RBM27: variants seen among roughly 807,000 people sequenced by gnomAD.
The protein encoded by RBM27 is RNA binding motif protein 27.
Under a neutral mutation model 135.3 loss-of-function variants are expected in RBM27, and 22 were observed. The ratio of observed to expected loss-of-function variants is 0.16; its 90% CI spans 0.12 to 0.23. RBM27 has a LOEUF of 0.23. RBM27 is among the 10% of genes least tolerant of loss of function. The pLI, the probability that RBM27 is intolerant of heterozygous loss-of-function variation, is 1.00. For missense variants in RBM27, 1,009 were observed against 1,281.0 expected (o/e 0.79, Z 3.24); for synonymous variants, 481 against 442.4 (o/e 1.09, Z -1.10).
At chr5:146,251,971 C>G in intron 9 of RBM27, 96 bp downstream of exon 9, 1 of 1,335,464 alleles carries the variant, frequency 7.5e-7, no homozygotes, top group Non-Finnish European at 1.0e-6. Flanking sequence ...TCTGCTGTTA[C>G]AAAGTCCCAT....
chr5:146,246,027 T>A (rs1757609461), intron 8 of RBM27, among the ~76,000 whole-genome samples: 1 of 152,338 alleles, frequency 6.6e-6, no homozygotes, highest in South Asian at 2.1e-4. Context: ...AAGAAGTACT[T>A]AAGTTTCATT....
chr5:146,237,358 T>C lies in RBM27; in HGVS notation c.1205T>C (p.Val402Ala). The C allele has an allele frequency of 1.2e-6, 2 of 1,614,128 alleles. No homozygotes were observed. The highest frequency in any genetic ancestry group is 1.1e-5 in the South Asian group (1 of 91,080). The change falls in exon 8 of 21, where the codon GTG becomes GCG. Residue 402 changes from valine (V) to alanine (A), a missense_variant. This residue lies in a region of RBM27 where 329 missense variants were observed against 368.1 expected (regional missense o/e 0.89). Transcript: ENST00000265271. ...CGTGACCAGCCTGGGACAAGTGCAG[T>C]GCCCAATCTTGCATCAGTGGGAACA... ...NSRDQPGTSAVPNLASVGTRL... is the reference protein window; with the variant it reads ...NSRDQPGTSAAPNLASVGTRL...
At chr5:146,220,821 GTC>G (rs1406759372) in intron 2 of RBM27, among the ~76,000 whole-genome samples, 1 of 152,110 alleles carries the variant, frequency 6.6e-6, no homozygotes, top group Non-Finnish European at 1.5e-5. Flanking sequence ...TTAAAGATGA[GTC>G]TTGTGAAATG....
At chr5:146,250,815 C>T (rs1368468881) in intron 8 of RBM27, among the ~76,000 whole-genome samples, 10 of 115,746 alleles carry the variant, frequency 8.6e-5, no homozygotes, top group Admixed American at 2.5e-4. Context: ...CTTACTCTGT[C>T]GCCTAGGTTG....
rs151123336 is a variant in RBM27 at position 146,230,053 on chromosome 5, C to T, written c.589+143C>T. 5.0e-4 allele frequency: 482 copies of T among 970,734 alleles called. 1 individual carries two copies. The East Asian group carries it at 0.011, about 22-fold the overall frequency. 60.1% of individuals were successfully genotyped at this position (970,734 alleles called of 1,614,324 possible). ...GAATTGTCTCAAGAAGCTCAATATC[C>T]ATTTTGTTAGAAAACAGGGCTCTAT... is the stretch of plus-strand genomic sequence containing the variant. On this transcript the variant is annotated intron_variant, in intron 5 of 20. Transcript: ENST00000265271.
intron 2 of RBM27, among the ~76,000 whole-genome samples, chr5:146,221,764 T>C (rs1379277851): frequency 1.3e-5 from 2 of 152,214 alleles, no homozygotes; most frequent in Non-Finnish European, 2.9e-5. Flanking sequence ...TTTTAATTAA[T>C]TTAAACTCAA....
At chr5:146,233,775 C>G in intron 7 of RBM27, 32 bp downstream of exon 7, 1 of 1,348,894 alleles carries the variant, frequency 7.4e-7, no homozygotes, top group Non-Finnish European at 9.6e-7. Context: ...TTTTCTCTAG[C>G]GTTCTGTTTA....
chr5:146,284,660 A>T lies in RBM27; in HGVS notation c.3027A>T (p.Leu1009=). 6.2e-7 allele frequency: 1 copy of T among 1,613,644 alleles called. No individual in the cohort carries two copies. Among genetic ancestry groups the T allele is most frequent in the African/African-American group, 1.3e-5 (1 of 75,042 alleles). The part of the protein sequence containing the change: ...NQGPKFKDRR[L]QISWHKPKVP... ...GGCCAAAATTTAAAGACCGTCGGCTACAGATATCATGGCACAAGCCCAAGG... is the reference window on the plus strand; with the variant it reads ...GGCCAAAATTTAAAGACCGTCGGCTTCAGATATCATGGCACAAGCCCAAGG... Residue 1009 remains leucine, a synonymous_variant, in exon 20 of 21, where the codon CTA becomes CTT. Transcript: ENST00000265271.
intron 1 of RBM27, among the ~76,000 whole-genome samples, chr5:146,214,026 TTAATTTTTCC>T: frequency 6.6e-6 from 1 of 152,340 alleles, no homozygotes; most frequent in South Asian, 2.1e-4. Context: ...TTAAGATACA[TTAATTTTTCC>T]TGCAGATGTA....
intron 14 of RBM27, among the ~76,000 whole-genome samples, chr5:146,265,842 TAGA>T (rs1282018276): frequency 5.3e-5 from 8 of 152,162 alleles, no homozygotes; most frequent in African/African-American, 7.2e-5. Flanking sequence ...AAAAGAGAGA[TAGA>T]AGATAGATAA....
At chr5:146,285,085 T>C (rs1029300477) in intron 20 of RBM27, among the ~76,000 whole-genome samples, 8 of 152,150 alleles carry the variant, frequency 5.3e-5, no homozygotes, top group African/African-American at 1.9e-4. Context: ...TCCATAGTAA[T>C]AGATTTGAGT....
intron 3 of RBM27, 93 bp downstream of exon 3, chr5:146,223,620 G>T: frequency 2.2e-6 from 3 of 1,385,214 alleles, no homozygotes; most frequent in Non-Finnish European, 2.9e-6. Flanking sequence ...AAGTAATTGT[G>T]TATTGATTCA....
intron 10 of RBM27, among the ~76,000 whole-genome samples, chr5:146,257,714 T>C (rs1469251699): frequency 1.3e-5 from 2 of 152,210 alleles, no homozygotes; most frequent in Admixed American, 1.3e-4. Context: ...GTGAACTTCT[T>C]GTTGAATCAT....
At position 146,233,534 on chromosome 5, in the gene RBM27, G is replaced by A. The variant is rs781773213; in HGVS notation, c.935G>A (p.Ser312Asn). ...GTTGTTGATGAAGTTGCTCTGCCAA[G>A]TATGATTCCTTTCCCACCCCCTCCT... ...PLVVDEVALPSMIPFPPPPPG... is the reference protein window; with the variant it reads ...PLVVDEVALPNMIPFPPPPPG... Residue 312 changes from serine (S) to asparagine (N), a missense_variant, in exon 7 of 21, where the codon AGT (serine) becomes AAT (asparagine). Physicochemically the swap from Ser to Asn is conservative, Grantham distance 46 (BLOSUM62 1). Around this residue, in one of 6 missense-constraint regions of RBM27, gnomAD observed 329 missense variants for 368.1 expected, o/e 0.89. Transcript: ENST00000265271. The A allele has an allele frequency of 6.2e-6, 10 of 1,613,404 alleles. No individual in the cohort carries two copies. Among genetic ancestry groups the A allele is most frequent in the Non-Finnish European group, 8.5e-6 (10 of 1,179,800 alleles).
intron 8 of RBM27, among the ~76,000 whole-genome samples, chr5:146,239,467 CTTTTCTTTTT>C (rs1171132003): frequency 7.6e-6 from 1 of 130,814 alleles, no homozygotes; most frequent in African/African-American, 3.0e-5. Flanking sequence ...TTTTTTTTTC[CTTTTCTTTTT>C]TTTTTTTTTT....
chr5:146,267,022 G>T (rs1440802883), intron 14 of RBM27, among the ~76,000 whole-genome samples: 1 of 152,118 alleles, frequency 6.6e-6, no homozygotes, highest in African/African-American at 2.4e-5. Flanking sequence ...TTTTTATTTG[G>T]CACTTCACTT....
chr5:146,212,759 G>C (rs377272343), intron 1 of RBM27, among the ~76,000 whole-genome samples: 2 of 151,978 alleles, frequency 1.3e-5, no homozygotes, highest in East Asian at 3.9e-4. Context: ...GCCCAGGCTG[G>C]AGTGCAGTGG....
intron 12 of RBM27, chr5:146,261,278 C>A: frequency 1.7e-6 from 1 of 585,360 alleles, no homozygotes; most frequent in Non-Finnish European, 3.0e-6. Flanking sequence ...GGGGTCAGGG[C>A]AGATCTCTTT....
intron 2 of RBM27, among the ~76,000 whole-genome samples, chr5:146,219,971 A>G (rs181138337): frequency 2.2e-3 from 336 of 152,098 alleles, no homozygotes; most frequent in African/African-American, 7.5e-3. Context: ...GCCTCAAGCA[A>G]CTGCCCCACC....
Sources: allele counts gnomAD v4.1 joint callset (sites outside exome capture counted in the v4.1 genomes callset), GRCh38; gene constraint gnomAD v4.1.1; regional missense constraint gnomAD v4.1.1; transcripts MANE v1.5; gene names NCBI Gene and HGNC (gene_info 2026-07-23, HGNC 2026-07-21).